Variants in SLC35F1 observed in about 807,000 individuals in gnomAD.
SLC35F1 encodes chromosome 6 open reading frame 169.
In SLC35F1, 14 loss-of-function variants were observed where a neutral mutation model predicts 48.7. The observed-to-expected ratio is 0.29, with a 90% CI of 0.19 to 0.45. The LOEUF is 0.45. SLC35F1 is among the 20% of genes least tolerant of loss of function. SLC35F1 has a pLI of 1.00. For missense variants in SLC35F1, 404 were observed against 500.0 expected (o/e 0.81, Z 1.83); for synonymous variants, 190 against 202.2 (o/e 0.94, Z 0.51).
intron 1 of SLC35F1, among the ~76,000 whole-genome samples, chr6:117,935,676 C>T (rs1776154899): frequency 6.6e-6 from 1 of 152,068 alleles, no homozygotes; most frequent in African/African-American, 2.4e-5. Flanking sequence ...AGTGAAATCA[C>T]CAACAAAATG....
intron 1 of SLC35F1, among the ~76,000 whole-genome samples, chr6:118,134,250 T>C (rs889012601): frequency 2.6e-5 from 4 of 152,230 alleles, no homozygotes; most frequent in South Asian, 2.1e-4. Context: ...GAGTGCCTTG[T>C]TGGACAAGAC....
chr6:118,044,973 C>T (rs1345607077), intron 1 of SLC35F1, among the ~76,000 whole-genome samples: 1 of 152,088 alleles, frequency 6.6e-6, no homozygotes, highest in Non-Finnish European at 1.5e-5. Context: ...AATTTTTGTA[C>T]TATTATGTTA....
chr6:118,196,713 A>G (rs189455713), intron 2 of SLC35F1, among the ~76,000 whole-genome samples: 1 of 152,090 alleles, frequency 6.6e-6, no homozygotes, highest in African/African-American at 2.4e-5. Flanking sequence ...ACAGAGTGAG[A>G]CTCTGTCTCA....
At chr6:118,024,555 G>A (rs910017693) in intron 1 of SLC35F1, among the ~76,000 whole-genome samples, 19 of 152,096 alleles carry the variant, frequency 1.2e-4, no homozygotes, top group African/African-American at 4.3e-4. Flanking sequence ...ATCAGCCATT[G>A]TTTCAGGTCT....
rs565376188 is a variant in SLC35F1, at chr6:117,989,552, C to T, written c.173+81653C>T. On this transcript the variant is annotated intron_variant, in intron 1 of 7. Coordinates refer to ENST00000360388, the MANE Select transcript of SLC35F1 (RefSeq NM_001029858.4). ...ATGTTCTGAGGCCTCTTTGGTTCACCGAGGGAGTTTTAAAAATGGAAACTA... is the reference window on the plus strand; with the variant it reads ...ATGTTCTGAGGCCTCTTTGGTTCACTGAGGGAGTTTTAAAAATGGAAACTA... 1.8e-4 allele frequency among the ~76,000 whole-genome samples: 28 copies of T among 152,120 alleles called. No individual in the cohort carries two copies. The South Asian group carries it at 5.0e-3, about 27-fold the overall frequency.
chr6:117,948,888 A>C (rs1320960681), intron 1 of SLC35F1, among the ~76,000 whole-genome samples: 1 of 152,138 alleles, frequency 6.6e-6, no homozygotes, highest in Non-Finnish European at 1.5e-5. Context: ...GGACTAAGAC[A>C]GCAAAAGATA....
At chr6:118,003,195 G>GCTC (rs1562261538) in intron 1 of SLC35F1, among the ~76,000 whole-genome samples, 1 of 152,180 alleles carries the variant, frequency 6.6e-6, no homozygotes, top group Non-Finnish European at 1.5e-5. Context: ...GGCTCTCAAG[G>GCTC]CTCCAGCATG....
intron 1 of SLC35F1, among the ~76,000 whole-genome samples, chr6:117,933,608 C>T (rs1776128855): frequency 6.6e-6 from 1 of 152,140 alleles, no homozygotes; most frequent in African/African-American, 2.4e-5. Context: ...AGGATGTTTT[C>T]CTCTCTTTCA....
chr6:118,166,822 A>G (rs1774325145), intron 2 of SLC35F1, among the ~76,000 whole-genome samples: 1 of 152,174 alleles, frequency 6.6e-6, no homozygotes, highest in Admixed American at 6.5e-5. Flanking sequence ...CTATACTGAG[A>G]GTGTCTCTTA....
rs1776421629 is a variant in SLC35F1 at position 118,315,475 on chromosome 6, T to C, written c.*1223T>C. 1 of 141,566 alleles carries C rather than the reference T, an allele frequency of 7.1e-6. No individual in the cohort carries two copies. The highest frequency in any genetic ancestry group is 2.6e-5 in the African/African-American group (1 of 37,806). The allele number at this position is 141,566 out of a possible 1,614,324, so 8.8% of individuals were successfully genotyped here. ...TTTTTTTTGAGACGGAGTCTCACTCTGTCGCCCAGGCTGGAGTGCGGTGGC... is the reference window on the plus strand; with the variant it reads ...TTTTTTTTGAGACGGAGTCTCACTCCGTCGCCCAGGCTGGAGTGCGGTGGC... On this transcript the variant is annotated 3_prime_UTR_variant, in exon 8 of 8. Coordinates refer to ENST00000360388, the MANE Select transcript of SLC35F1 (RefSeq NM_001029858.4).
chr6:118,096,681 T>C (rs970728435), intron 1 of SLC35F1, among the ~76,000 whole-genome samples: 1 of 152,170 alleles, frequency 6.6e-6, no homozygotes, highest in African/African-American at 2.4e-5. Context: ...TGAGAAACTT[T>C]CAGTTAGCCA....
At chr6:118,046,686 C>T (rs1355042144) in intron 1 of SLC35F1, among the ~76,000 whole-genome samples, 3 of 152,124 alleles carry the variant, frequency 2.0e-5, no homozygotes, top group Non-Finnish European at 4.4e-5. Flanking sequence ...TGGGATATTG[C>T]AAGCACTCCA....
At chr6:117,916,457 G>A (rs1219867374) in intron 1 of SLC35F1, among the ~76,000 whole-genome samples, 2 of 152,094 alleles carry the variant, frequency 1.3e-5, no homozygotes, top group Admixed American at 6.5e-5. Flanking sequence ...TGGATGGGGG[G>A]AGCGGTTCCT....
intron 1 of SLC35F1, among the ~76,000 whole-genome samples, chr6:118,041,055 A>G (rs1304794783): frequency 1.3e-5 from 2 of 152,174 alleles, no homozygotes; most frequent in Non-Finnish European, 2.9e-5. Flanking sequence ...AAAGACTTAA[A>G]TGTTCTGTAC....
intron 2 of SLC35F1, among the ~76,000 whole-genome samples, chr6:118,216,055 A>G (rs1184018958): frequency 1.3e-5 from 2 of 150,612 alleles, no homozygotes; most frequent in East Asian, 2.0e-4. Flanking sequence ...TTTATTCTAG[A>G]TCACTCTAGT....
intron 1 of SLC35F1, among the ~76,000 whole-genome samples, chr6:118,051,814 G>A (rs1408468691): frequency 6.6e-6 from 1 of 152,160 alleles, no homozygotes; most frequent in Non-Finnish European, 1.5e-5. Flanking sequence ...CTTGCAAGCT[G>A]ACTTTGGATG....
At chr6:118,154,422 GTT>G (rs750461990) in intron 1 of SLC35F1, 21 bp from the exon 2 acceptor site, 1 of 1,586,356 alleles carries the variant, frequency 6.3e-7, no homozygotes, top group African/African-American at 1.4e-5. Context: ...CCTTTGCTGT[GTT>G]TTTTTTCCTT....
rs550795875 is a variant in SLC35F1 at position 118,024,890 on chromosome 6, T to C, written c.173+116991T>C. On this transcript the variant is annotated intron_variant, in intron 1 of 7. Transcript: ENST00000360388. ...GAAATCAATATGGCCAAGTAAAGTT[T>C]TATGCTTCATGATAACTTTTTAACA... Among the ~76,000 whole-genome samples the C allele has an allele frequency of 5.3e-5, 8 of 152,198 alleles. No homozygotes were observed. The East Asian group carries it at 1.5e-3, about 29-fold the overall frequency.
chr6:118,085,178 C>T (rs141331183), intron 1 of SLC35F1, among the ~76,000 whole-genome samples: 134 of 152,176 alleles, frequency 8.8e-4, no homozygotes, highest in African/African-American at 3.1e-3. Flanking sequence ...TTTGGGTCCA[C>T]GTCAAAAGGG....
Sources: allele counts gnomAD v4.1 joint callset (sites outside exome capture counted in the v4.1 genomes callset), GRCh38; gene constraint gnomAD v4.1.1; transcripts MANE v1.5; gene names NCBI Gene and HGNC (gene_info 2026-07-23, HGNC 2026-07-21).